NUMB: variants seen among roughly 807,000 people sequenced by gnomAD.
The protein encoded by NUMB is NUMB endocytic adaptor protein.
Under a neutral mutation model 59.7 loss-of-function variants are expected in NUMB, and 29 were observed. The ratio of observed to expected loss-of-function variants is 0.49; its 90% CI spans 0.36 to 0.66. The LOEUF (loss-of-function observed/expected upper bound fraction) is 0.66. Among genes scored for constraint, NUMB ranks in the 30% least tolerant of loss-of-function variants. The pLI, the probability that NUMB is intolerant of heterozygous loss-of-function variation, is 0.00. For synonymous variants in NUMB, 288 were observed against 288.2 expected (o/e 1.00, Z 0.01); for missense variants, 723 against 822.0 (o/e 0.88, Z 1.47).
intron 2 of NUMB, among the ~76,000 whole-genome samples, chr14:73,395,490 G>A (rs772006515): frequency 6.6e-6 from 1 of 152,054 alleles, no homozygotes; most frequent in Non-Finnish European, 1.5e-5. Context: ...TGGCAGTGGT[G>A]TGTCCCTATA....
intron 2 of NUMB, among the ~76,000 whole-genome samples, chr14:73,398,007 A>G (rs1896218639): frequency 6.6e-6 from 1 of 152,188 alleles, no homozygotes; most frequent in African/African-American, 2.4e-5. Context: ...GTCTGTTTAC[A>G]AAACGAAGCA....
At chr14:73,370,687 C>T (rs1475711484) in intron 2 of NUMB, among the ~76,000 whole-genome samples, 2 of 150,528 alleles carry the variant, frequency 1.3e-5, no homozygotes, top group Non-Finnish European at 3.0e-5. Context: ...AGTGAAACTC[C>T]GCCTCAAAAA....
intron 2 of NUMB, among the ~76,000 whole-genome samples, chr14:73,382,648 A>G (rs1215076756): frequency 6.6e-6 from 1 of 152,122 alleles, no homozygotes; most frequent in African/African-American, 2.4e-5. Flanking sequence ...TCAAGTCCAT[A>G]TTACAACAAT....
intron 1 of NUMB, among the ~76,000 whole-genome samples, chr14:73,425,613 T>G (rs1445540571): frequency 6.6e-6 from 1 of 152,152 alleles, no homozygotes; most frequent in African/African-American, 2.4e-5. Flanking sequence ...TAGGGGTTAC[T>G]ATATAACTGT....
intron 1 of NUMB, among the ~76,000 whole-genome samples, chr14:73,416,336 T>TC (rs1266661504): frequency 1.3e-5 from 2 of 151,284 alleles, no homozygotes; most frequent in African/African-American, 2.4e-5. Flanking sequence ...TCTTTTCTTT[T>TC]TTTTTTTTTT....
chr14:73,343,931 T>C (rs981949520), intron 4 of NUMB, among the ~76,000 whole-genome samples: 1 of 152,190 alleles, frequency 6.6e-6, no homozygotes, highest in Non-Finnish European at 1.5e-5. Context: ...TGTGAAATGA[T>C]CTGGGCCTGG....
Position 73,414,848 on chromosome 14 carries a change from T to C in NUMB, c.-232-4780A>G, listed in dbSNP as rs982659370. Among the ~76,000 whole-genome samples the C allele has an allele frequency of 5.3e-5, 8 of 151,966 alleles. No homozygotes were observed. In the East Asian group the frequency reaches 1.5e-3, roughly 29 times the overall value. On this transcript the variant is annotated intron_variant, in intron 1 of 12. Transcript: ENST00000555238. ...TATTCTCCTGCCTCAGCCTCCCGAG[T>C]AGCTGGGACTACAGGCGCCCACCAC...
chr14:73,432,232 G>C (rs1380969206), intron 1 of NUMB, among the ~76,000 whole-genome samples: 1 of 152,040 alleles, frequency 6.6e-6, no homozygotes, highest in African/African-American at 2.4e-5. Context: ...TAATTTTACA[G>C]AGTAACAAAG....
At chr14:73,363,908 C>T (rs1207940883) in intron 3 of NUMB, among the ~76,000 whole-genome samples, 1 of 152,168 alleles carries the variant, frequency 6.6e-6, no homozygotes, top group Non-Finnish European at 1.5e-5. Context: ...AAGATCATAC[C>T]ATTGCACCGG....
intron 4 of NUMB, among the ~76,000 whole-genome samples, chr14:73,349,717 T>C (rs1226933672): frequency 6.6e-6 from 1 of 151,448 alleles, no homozygotes; most frequent in African/African-American, 2.4e-5. Context: ...GTCTCTACTA[T>C]AAATACAAAA....
intron 2 of NUMB, among the ~76,000 whole-genome samples, chr14:73,386,626 T>C (rs1481849759): frequency 7.9e-5 from 12 of 152,120 alleles, no homozygotes; most frequent in Non-Finnish European, 4.4e-5. Context: ...AAGAAGAAAA[T>C]CCCTTAGCCT....
At chr14:73,427,678 A>T (rs1250613844) in intron 1 of NUMB, among the ~76,000 whole-genome samples, 1 of 152,150 alleles carries the variant, frequency 6.6e-6, no homozygotes, top group East Asian at 1.9e-4. Flanking sequence ...GAAGACAACT[A>T]AAGCTGCTGT....
intron 1 of NUMB, among the ~76,000 whole-genome samples, chr14:73,434,637 G>T (rs1262474681): frequency 6.6e-6 from 1 of 152,110 alleles, no homozygotes; most frequent in Non-Finnish European, 1.5e-5. Context: ...AGGATGAGGT[G>T]GGAGAACTGC....
chr14:73,367,296 T>TATACACACAC (rs1406816784), intron 2 of NUMB, among the ~76,000 whole-genome samples: 60 of 120,952 alleles, frequency 5.0e-4, no homozygotes, highest in African/African-American at 2.1e-3. Flanking sequence ...TATATATATA[T>TATACACACAC]ACACACACAC....
At chr14:73,421,328 G>A (rs1897338455) in intron 1 of NUMB, among the ~76,000 whole-genome samples, 1 of 151,942 alleles carries the variant, frequency 6.6e-6, no homozygotes, top group Non-Finnish European at 1.5e-5. Flanking sequence ...GGGATTACAG[G>A]CATGCACCAC....
chr14:73,378,592 G>C (rs554367403), intron 2 of NUMB, among the ~76,000 whole-genome samples: 3 of 152,268 alleles, frequency 2.0e-5, no homozygotes, highest in African/African-American at 7.2e-5. Flanking sequence ...AAGACTTCAA[G>C]CTATGAAAAG....
In NUMB at chr14:73,279,883, G is replaced by A. The variant is rs1278530835; in HGVS notation, c.1097-459C>T. Among the ~76,000 whole-genome samples the A allele has an allele frequency of 2.0e-5, 3 of 152,334 alleles. No homozygotes were observed. In the South Asian group the frequency reaches 6.2e-4, roughly 32 times the overall value. The stretch of plus-strand genomic sequence containing the variant: ...AATACTGGTTAAAAATAGGCCAGGT[G>A]TGGTGGCTCACGCCTGTAATCCCAG... On this transcript the variant is annotated intron_variant, in intron 11 of 12. Transcript: ENST00000555238.
chr14:73,370,633 G>A (rs1026358344), intron 2 of NUMB, among the ~76,000 whole-genome samples: 5 of 151,608 alleles, frequency 3.3e-5, no homozygotes, highest in Non-Finnish European at 7.4e-5. Flanking sequence ...CGGAGGTTGC[G>A]ATGAGCCGAG....
At position 73,277,310 on chromosome 14, in the gene NUMB, G is replaced by T; in HGVS notation, c.1241-17C>A. The T allele has an allele frequency of 6.4e-7, 1 of 1,566,648 alleles. No individual in the cohort carries two copies. Among genetic ancestry groups the T allele is most frequent in the Non-Finnish European group, 8.7e-7 (1 of 1,147,378 alleles). ...ACTCGGTCCCTGGAACCAACAAGAT[G>T]AGAGACAAAAGAATCAGTTAGGGGC... On this transcript the variant is annotated splice_polypyrimidine_tract_variant and intron_variant, in intron 12 of 12. Coordinates refer to ENST00000555238, the MANE Select transcript of NUMB (RefSeq NM_001005743.2).
Sources: allele counts gnomAD v4.1 joint callset (sites outside exome capture counted in the v4.1 genomes callset), GRCh38; gene constraint gnomAD v4.1.1; transcripts MANE v1.5; gene names NCBI Gene and HGNC (gene_info 2026-07-23, HGNC 2026-07-21).